The following BCAS3 variants were observed in gnomAD, a reference collection of about 807,000 sequenced individuals.
The protein encoded by BCAS3 is BCAS4/BCAS3 fusion.
BCAS3 carries 53 observed loss-of-function variants against 116.1 expected under a neutral mutation model. That is an observed-to-expected ratio of 0.46 (90% CI 0.37 to 0.57). The LOEUF (loss-of-function observed/expected upper bound fraction) is 0.57, where lower values mean the gene tolerates loss of function less well. Ranked by LOEUF, BCAS3 falls within the 20% of genes least tolerant of loss-of-function variation. The probability of loss-of-function intolerance (pLI) is 0.00; values close to 1 mark genes in which losing one functional copy is unlikely to be tolerated. For missense variants in BCAS3, 917 were observed against 1,165.4 expected (o/e 0.79, Z 3.10); for synonymous variants, 391 against 408.2 (o/e 0.96, Z 0.51).
intron 7 of BCAS3, among the ~76,000 whole-genome samples, chr17:60,834,230 G>T (rs2051181378): frequency 6.6e-6 from 1 of 151,932 alleles, no homozygotes; most frequent in Admixed American, 6.6e-5. Flanking sequence ...TATTAATTTA[G>T]AACAGGATAT....
At chr17:61,060,248 T>C (rs1038709161) in intron 19 of BCAS3, among the ~76,000 whole-genome samples, 1 of 151,564 alleles carries the variant, frequency 6.6e-6, no homozygotes, top group African/African-American at 2.4e-5. Flanking sequence ...TGCCTCAGCC[T>C]CCTGACTAGC....
intron 22 of BCAS3, among the ~76,000 whole-genome samples, chr17:61,329,555 A>T (rs886770477): frequency 2.6e-5 from 4 of 151,470 alleles, no homozygotes; most frequent in Admixed American, 1.3e-4. Context: ...GTTAGCCAGG[A>T]TGGTCTCGAT....
chr17:61,303,490 G>T (rs951299231), intron 22 of BCAS3, among the ~76,000 whole-genome samples: 17 of 152,122 alleles, frequency 1.1e-4, no homozygotes, highest in Non-Finnish European at 2.2e-4. Flanking sequence ...TCAGCTTCCG[G>T]GATGGTGATT....
rs574818945 is a variant in BCAS3 at position 61,104,665 on chromosome 17, C to T, written c.2425+20101C>T. ...ACCCTGTGAAAGATCCTCTGCGTTA[C>T]CCCATCAATTCTGCTTCATTAAAGG... On this transcript the variant is annotated intron_variant, in intron 22 of 23. Transcript: ENST00000407086. The surrounding 1 kb of genome is among the most constrained non-coding windows in gnomAD (Gnocchi z 4.1). Among the ~76,000 whole-genome samples, 1 of 152,246 alleles carries T rather than the reference C, an allele frequency of 6.6e-6. No individual in the cohort carries two copies. The highest frequency in any genetic ancestry group is 2.1e-4 in the South Asian group (1 of 4,826).
intron 11 of BCAS3, among the ~76,000 whole-genome samples, chr17:60,905,883 C>T (rs918591906): frequency 1.3e-5 from 2 of 152,160 alleles, no homozygotes; most frequent in Non-Finnish European, 2.9e-5. Context: ...GTGTCATTTG[C>T]ATAGCATGTG....
At chr17:61,011,102 T>G (rs1387282498) in intron 15 of BCAS3, among the ~76,000 whole-genome samples, 1 of 152,000 alleles carries the variant, frequency 6.6e-6, no homozygotes, top group African/African-American at 2.4e-5. Context: ...CTACCAAAAC[T>G]GCACTTAAAT....
intron 22 of BCAS3, among the ~76,000 whole-genome samples, chr17:61,209,196 A>T (rs2081317753): frequency 6.6e-6 from 1 of 151,900 alleles, no homozygotes; most frequent in Non-Finnish European, 1.5e-5. Flanking sequence ...AAAAAAAAAA[A>T]ATCTTGTTCT....
chr17:61,080,309 T>G (rs983721017), intron 21 of BCAS3, among the ~76,000 whole-genome samples: 3 of 152,172 alleles, frequency 2.0e-5, no homozygotes, highest in Non-Finnish European at 4.4e-5. Context: ...CTTCACCAAC[T>G]TATGTCATTT....
Position 61,327,216 on chromosome 17 carries a change from C to G in BCAS3, c.2426-41111C>G, listed in dbSNP as rs920215697. ...TACTAGGGAGGCTGAGGCAGGAGAT[C>G]ACTTGAACTCAGGAGGTAGAGGTTG... On this transcript the variant is annotated intron_variant, in intron 22 of 23. Coordinates refer to ENST00000407086, the MANE Select transcript of BCAS3 (RefSeq NM_017679.5). The surrounding 1 kb of genome is among the most constrained non-coding windows in gnomAD (Gnocchi z 5.9). 6.6e-6 allele frequency among the ~76,000 whole-genome samples: 1 copy of G among 152,020 alleles called. No individual in the cohort carries two copies. Among genetic ancestry groups the G allele is most frequent in the Non-Finnish European group, 1.5e-5 (1 of 67,976 alleles).
intron 5 of BCAS3, among the ~76,000 whole-genome samples, chr17:60,729,433 A>C (rs552734405): frequency 1.3e-4 from 20 of 151,972 alleles, no homozygotes; most frequent in African/African-American, 4.8e-4. Context: ...AAATTGCCCA[A>C]GGTTTTCCAA....
intron 22 of BCAS3, among the ~76,000 whole-genome samples, chr17:61,290,382 G>A (rs985216140): frequency 6.6e-6 from 1 of 152,002 alleles, no homozygotes; most frequent in African/African-American, 2.4e-5. Context: ...GGCATGAATT[G>A]GTTATTTGTT....
rs573815101 is a variant in BCAS3, at chr17:60,997,237, G to A, written c.1486+7002G>A. Among the ~76,000 whole-genome samples the A allele has an allele frequency of 3.3e-5, 5 of 152,308 alleles. No individual in the cohort carries two copies. The South Asian group carries it at 6.2e-4, about 19-fold the overall frequency. ...CCACTTACCTCCTGCTCTGCAGCCT[G>A]GTTTCGTACAGGCCACAGACCGGTA... On this transcript the variant is annotated intron_variant, in intron 15 of 23. Transcript: ENST00000407086.
At chr17:60,976,745 C>T (rs982349717) in intron 14 of BCAS3, among the ~76,000 whole-genome samples, 7 of 152,044 alleles carry the variant, frequency 4.6e-5, no homozygotes, top group African/African-American at 7.2e-5. Flanking sequence ...TCAGAGAGCA[C>T]GGGGTTGGGG....
intron 19 of BCAS3, among the ~76,000 whole-genome samples, chr17:61,071,669 T>G (rs972732843): frequency 4.6e-5 from 7 of 152,204 alleles, no homozygotes; most frequent in Admixed American, 4.6e-4. Context: ...CCTAAAACTG[T>G]ATAGAGAATC....
chr17:61,094,631 T>C (rs765545784), intron 22 of BCAS3, among the ~76,000 whole-genome samples: 1 of 152,184 alleles, frequency 6.6e-6, no homozygotes, highest in Non-Finnish European at 1.5e-5. Flanking sequence ...GTGGATCACC[T>C]GAGGTTAGTT....
At chr17:60,745,631 A>C (rs1251264332) in intron 5 of BCAS3, among the ~76,000 whole-genome samples, 1 of 152,084 alleles carries the variant, frequency 6.6e-6, no homozygotes, top group Non-Finnish European at 1.5e-5. Context: ...TTATTCTGAA[A>C]ATTAAAAGTT....
chr17:61,169,571 G>C (rs2078716825), intron 22 of BCAS3, among the ~76,000 whole-genome samples: 1 of 152,082 alleles, frequency 6.6e-6, no homozygotes, highest in Non-Finnish European at 1.5e-5. Context: ...GGCCGAGATA[G>C]AATTGTTTCA....
intron 7 of BCAS3, among the ~76,000 whole-genome samples, chr17:60,809,089 G>C (rs1598860004): frequency 6.6e-6 from 1 of 152,030 alleles, no homozygotes; most frequent in African/African-American, 2.4e-5. Context: ...ATTGAGACCA[G>C]CCTTGCCAAC....
intron 10 of BCAS3, among the ~76,000 whole-genome samples, chr17:60,900,595 A>G (rs183843540): frequency 1.3e-5 from 2 of 152,220 alleles, no homozygotes; most frequent in East Asian, 1.9e-4. Context: ...TCTATGCACT[A>G]TTTTGGTTCT....
Sources: allele counts gnomAD v4.1 joint callset (sites outside exome capture counted in the v4.1 genomes callset), GRCh38; gene constraint gnomAD v4.1.1; non-coding constraint Gnocchi (gnomAD v3.1); transcripts MANE v1.5; gene names NCBI Gene and HGNC (gene_info 2026-07-23, HGNC 2026-07-21).